EDN3: variants seen among roughly 807,000 people sequenced by gnomAD.
The protein encoded by EDN3 is endothelin 3, also known as endothelin-3.
A neutral mutation model predicts 21.4 loss-of-function variants in EDN3; 9 were observed. The ratio of observed to expected loss-of-function variants is 0.42; its 90% CI spans 0.25 to 0.73. The LOEUF (loss-of-function observed/expected upper bound fraction) is 0.73. EDN3 is among the 30% of genes least tolerant of loss of function. EDN3 has a pLI of 0.26. For missense variants in EDN3, 327 were observed against 309.4 expected (o/e 1.06, Z -0.43); for synonymous variants, 133 against 126.2 (o/e 1.05, Z -0.36).
chr20:59,318,655 C>G (rs1277162610), intron 2 of EDN3, among the ~76,000 whole-genome samples: 2 of 152,234 alleles, frequency 1.3e-5, no homozygotes, highest in Admixed American at 6.5e-5. Flanking sequence ...GGGGGCCGTG[C>G]CTCTCTAAAC....
rs943496920 is a variant in EDN3, at chr20:59,305,983, A to G, written c.365+4261A>G. ...TAACGGGGATGTCAGCTCGAACCAC[A>G]TTTCATGGCGGACCAGCCCCTCAGA... On this transcript the variant is annotated intron_variant, in intron 2 of 4. Coordinates refer to ENST00000337938, the MANE Select transcript of EDN3 (RefSeq NM_207034.3). The surrounding 1 kb of genome is among the most constrained non-coding windows in gnomAD (Gnocchi z 4.2). Among the ~76,000 whole-genome samples the G allele has an allele frequency of 9.2e-5, 14 of 152,118 alleles. No individual in the cohort carries two copies. The highest frequency in any genetic ancestry group is 3.1e-4 in the African/African-American group (13 of 41,426).
chr20:59,316,363 G>T (rs1398947002), intron 2 of EDN3, among the ~76,000 whole-genome samples: 5 of 152,326 alleles, frequency 3.3e-5, no homozygotes, highest in East Asian at 3.9e-4. Context: ...AAAGCAGTTG[G>T]CAAATATTTG....
In EDN3 at chr20:59,325,886, G is replaced by T. The variant is rs1487812058; in HGVS notation, c.*1427G>T. On this transcript the variant is annotated 3_prime_UTR_variant, in exon 5 of 5. Coordinates refer to ENST00000337938, the MANE Select transcript of EDN3 (RefSeq NM_207034.3). ...AATTACATTTTTAAAATGCATATGTGCTGTTTGGCACCGTGGCAAGATGGT... is the reference window on the plus strand; with the variant it reads ...AATTACATTTTTAAAATGCATATGTTCTGTTTGGCACCGTGGCAAGATGGT... The T allele has an allele frequency of 1.3e-5, 2 of 152,194 alleles. No individual in the cohort carries two copies. Among genetic ancestry groups the T allele is most frequent in the African/African-American group, 4.8e-5 (2 of 41,430 alleles). The allele number at this position is 152,194 out of a possible 1,614,324, so 9.4% of individuals were successfully genotyped here. A position where few individuals can be genotyped will look rare whatever the true frequency, so the allele number is the denominator to read the frequency against.
intron 1 of EDN3, 74 bp downstream of exon 1, chr20:59,300,938 G>A: frequency 1.3e-6 from 2 of 1,546,132 alleles, no homozygotes; most frequent in Non-Finnish European, 1.8e-6. Flanking sequence ...GACCCGAGGC[G>A]CGGAGAAGAT....
chr20:59,324,544 GA>G lies in EDN3; in HGVS notation c.*87del. ...CAGATTTCCACCTCTTTATAGACAAGAAGTGAATTTGCCTGGGGCAGAACAC... is the reference window on the plus strand; with the variant it reads ...CAGATTTCCACCTCTTTATAGACAAGAGTGAATTTGCCTGGGGCAGAACAC... On this transcript the variant is annotated 3_prime_UTR_variant, in exon 5 of 5. Coordinates refer to ENST00000337938, the MANE Select transcript of EDN3 (RefSeq NM_207034.3). The G allele has an allele frequency of 8.2e-6, 13 of 1,595,034 alleles. No individual in the cohort carries two copies. The highest frequency in any genetic ancestry group is 1.1e-5 in the Non-Finnish European group (13 of 1,166,308).
intron 2 of EDN3, among the ~76,000 whole-genome samples, chr20:59,302,063 G>A (rs1386159274): frequency 6.6e-6 from 1 of 152,248 alleles, no homozygotes; most frequent in South Asian, 2.1e-4. Flanking sequence ...AGAAAGCCCC[G>A]AAAGTTTATC....
At chr20:59,313,242 G>A (rs1168363276) in intron 2 of EDN3, among the ~76,000 whole-genome samples, 1 of 152,152 alleles carries the variant, frequency 6.6e-6, no homozygotes, top group Non-Finnish European at 1.5e-5. Context: ...TGAGATATTG[G>A]GACTTGATTT....
chr20:59,309,150 G>T (rs578131521), intron 2 of EDN3, among the ~76,000 whole-genome samples: 1 of 152,204 alleles, frequency 6.6e-6, no homozygotes, highest in African/African-American at 2.4e-5. Flanking sequence ...CAGTAATGGG[G>T]CATGGCGCTC....
intron 4 of EDN3, among the ~76,000 whole-genome samples, chr20:59,323,919 A>G (rs1446990824): frequency 6.6e-6 from 1 of 152,210 alleles, no homozygotes; most frequent in Non-Finnish European, 1.5e-5. Context: ...CCAGGTCTCT[A>G]TGAGTCATGT....
At chr20:59,309,977 G>A (rs917486283) in intron 2 of EDN3, among the ~76,000 whole-genome samples, 3 of 152,186 alleles carry the variant, frequency 2.0e-5, no homozygotes, top group Non-Finnish European at 2.9e-5. Flanking sequence ...TTGTGACCCT[G>A]TGTGACCCCG....
At chr20:59,311,290 C>G (rs937386326) in intron 2 of EDN3, among the ~76,000 whole-genome samples, 3 of 152,012 alleles carry the variant, frequency 2.0e-5, no homozygotes, top group African/African-American at 7.2e-5. Flanking sequence ...GCACCTCGAG[C>G]AAGAAAGAAT....
chr20:59,314,434 C>A (rs11570312), intron 2 of EDN3, among the ~76,000 whole-genome samples: 1 of 151,866 alleles, frequency 6.6e-6, no homozygotes, highest in African/African-American at 2.4e-5. Flanking sequence ...TGGAAGGACA[C>A]GGGAAAGCTC....
intron 2 of EDN3, among the ~76,000 whole-genome samples, chr20:59,320,326 A>G (rs1264595676): frequency 5.3e-5 from 8 of 152,236 alleles, no homozygotes; most frequent in African/African-American, 1.2e-4. Context: ...CCATCTTCTC[A>G]TTAGCACAAA....
chr20:59,307,775 C>T (rs767412743), intron 2 of EDN3, among the ~76,000 whole-genome samples: 2 of 151,978 alleles, frequency 1.3e-5, no homozygotes. Flanking sequence ...CTCCTGGGCT[C>T]AATCGAATCT....
At chr20:59,318,363 A>G (rs1050512992) in intron 2 of EDN3, among the ~76,000 whole-genome samples, 1 of 152,170 alleles carries the variant, frequency 6.6e-6, no homozygotes, top group Non-Finnish European at 1.5e-5. Flanking sequence ...TAAAAGCTGG[A>G]CCTGCAAGGC....
At chr20:59,312,011 C>G (rs1989854596) in intron 2 of EDN3, among the ~76,000 whole-genome samples, 1 of 151,780 alleles carries the variant, frequency 6.6e-6, no homozygotes, top group South Asian at 2.1e-4. Context: ...TTAAATTATT[C>G]AAAGCATGTA....
intron 2 of EDN3, among the ~76,000 whole-genome samples, chr20:59,320,040 T>C (rs1199453275): frequency 6.6e-6 from 1 of 152,232 alleles, no homozygotes; most frequent in Non-Finnish European, 1.5e-5. Context: ...AGTGATGATT[T>C]GGATGTGCAC....
chr20:59,309,495 A>G (rs1178732624), intron 2 of EDN3, among the ~76,000 whole-genome samples: 1 of 152,176 alleles, frequency 6.6e-6, no homozygotes, highest in African/African-American at 2.4e-5. Flanking sequence ...ATCTATTTAG[A>G]AAACATCATT....
intron 2 of EDN3, among the ~76,000 whole-genome samples, chr20:59,313,750 C>A (rs184159476): frequency 1.3e-5 from 2 of 152,150 alleles, no homozygotes; most frequent in African/African-American, 4.8e-5. Flanking sequence ...CTATGAATTG[C>A]CGGTTCACTG....
Sources: allele counts gnomAD v4.1 joint callset (sites outside exome capture counted in the v4.1 genomes callset), GRCh38; gene constraint gnomAD v4.1.1; non-coding constraint Gnocchi (gnomAD v3.1); transcripts MANE v1.5; gene names NCBI Gene and HGNC (gene_info 2026-07-23, HGNC 2026-07-21).